UPB1: variants seen among roughly 807,000 people sequenced by gnomAD.
UPB1 encodes beta-ureidopropionase.
UPB1 carries 40 observed loss-of-function variants against 49.1 expected under a neutral mutation model. The ratio of observed to expected loss-of-function variants is 0.81; its 90% CI spans 0.63 to 1.06. The LOEUF is 1.06. Among genes scored for constraint, UPB1 ranks in the 50% least tolerant of loss-of-function variants. The pLI, the probability that UPB1 is intolerant of heterozygous loss-of-function variation, is 0.00. For synonymous variants in UPB1, 207 were observed against 198.2 expected (o/e 1.04, Z -0.38); for missense variants, 499 against 505.9 (o/e 0.99, Z 0.13).
chr22:24,505,672 G>A (rs1256224118), intron 3 of UPB1, among the ~76,000 whole-genome samples: 2 of 152,102 alleles, frequency 1.3e-5, no homozygotes, highest in African/African-American at 4.8e-5. Flanking sequence ...CTCTTGGTGT[G>A]GAGAAAGGAC....
intron 2 of UPB1, among the ~76,000 whole-genome samples, chr22:24,500,764 C>G (rs954826070): frequency 2.6e-5 from 4 of 152,246 alleles, no homozygotes; most frequent in African/African-American, 9.6e-5. Context: ...CTTATGACCT[C>G]AGAGTTAGTA....
At chr22:24,502,407 A>G (rs1195439762) in intron 3 of UPB1, 194 bp downstream of exon 3, 3 of 789,354 alleles carry the variant, frequency 3.8e-6, no homozygotes, top group South Asian at 1.3e-5. Flanking sequence ...TGATTCCTTC[A>G]GTTTTCCCAC....
Position 24,515,216 on chromosome 22 carries a change from G to C in UPB1, c.637G>C (p.Glu213Gln). 1 of 1,614,148 alleles carries C rather than the reference G, an allele frequency of 6.2e-7. No homozygotes were observed. The highest frequency in any genetic ancestry group is 1.1e-5 in the South Asian group (1 of 91,076). ...GDFNESTYYMEGNLGHPVFQT... is the reference protein window; with the variant it reads ...GDFNESTYYMQGNLGHPVFQT... The stretch of plus-strand genomic sequence containing the variant: ...TGCTTTTCAGTCAACTTACTACATG[G>C]AGGGAAACCTGGGCCACCCCGTGTT... Residue 213 changes from glutamate to glutamine, a missense_variant, in exon 6 of 10, where the codon GAG becomes CAG. By Grantham distance (29) the Glu-to-Gln change is conservative (BLOSUM62 2). Transcript: ENST00000326010.
At position 24,526,222 on chromosome 22, in the gene UPB1, T is replaced by A; in HGVS notation, c.*428T>A. ...TACAGCAAGGCTGTGGTGGGTCGGA[T>A]GGTCTTTGGATGTGTCAGCTTAGCT... is the stretch of plus-strand genomic sequence containing the variant. On this transcript the variant is annotated 3_prime_UTR_variant, in exon 10 of 10. Coordinates refer to ENST00000326010, the MANE Select transcript of UPB1 (RefSeq NM_016327.3). 6.7e-6 allele frequency: 2 copies of A among 299,866 alleles called. No homozygotes were observed. Among genetic ancestry groups the A allele is most frequent in the South Asian group, 6.1e-5 (2 of 32,908 alleles). 18.6% of individuals were successfully genotyped at this position (299,866 alleles called of 1,614,324 possible).
At chr22:24,514,701 C>T (rs1002103679) in intron 5 of UPB1, among the ~76,000 whole-genome samples, 2 of 152,204 alleles carry the variant, frequency 1.3e-5, no homozygotes, top group African/African-American at 4.8e-5. Flanking sequence ...GGTGTGGGTT[C>T]CACTAGAAGC....
chr22:24,504,484 T>G (rs970767228), intron 3 of UPB1, among the ~76,000 whole-genome samples: 1 of 152,240 alleles, frequency 6.6e-6, no homozygotes, highest in African/African-American at 2.4e-5. Context: ...TAGGAGTTTC[T>G]CTTTTTCACC....
chr22:24,517,548 C>T (rs938782719), intron 6 of UPB1, among the ~76,000 whole-genome samples: 1 of 152,214 alleles, frequency 6.6e-6, no homozygotes, highest in African/African-American at 2.4e-5. Flanking sequence ...CAGATGGCTC[C>T]TCGCCTTGTG....
chr22:24,501,429 G>A (rs2147002677), intron 2 of UPB1, among the ~76,000 whole-genome samples: 1 of 152,350 alleles, frequency 6.6e-6, no homozygotes, highest in South Asian at 2.1e-4. Context: ...AGCCTGTGGG[G>A]TCCTGGGAGT....
At chr22:24,520,896 GTTTT>G (rs2044378824) in intron 7 of UPB1, among the ~76,000 whole-genome samples, 1 of 152,166 alleles carries the variant, frequency 6.6e-6, no homozygotes, top group Non-Finnish European at 1.5e-5. Context: ...GAAACCTGAT[GTTTT>G]GGCTGGGTTT....
chr22:24,523,849 G>C, intron 9 of UPB1, 76 bp downstream of exon 9: 1 of 1,606,412 alleles, frequency 6.2e-7, no homozygotes, highest in Non-Finnish European at 8.5e-7. Flanking sequence ...CTGCTGTTGC[G>C]GGGTTGCCCA....
intron 4 of UPB1, among the ~76,000 whole-genome samples, chr22:24,511,233 C>T (rs1237837287): frequency 6.6e-6 from 1 of 152,182 alleles, no homozygotes; most frequent in Non-Finnish European, 1.5e-5. Flanking sequence ...GATGCATGGC[C>T]TGTGTCTCAT....
chr22:24,503,695 A>T (rs1008068715), intron 3 of UPB1: 1 of 152,234 alleles, frequency 6.6e-6, no homozygotes, highest in African/African-American at 2.4e-5. Flanking sequence ...CATTAACTTA[A>T]GGTGACCACA....
At chr22:24,495,914 G>A (rs1255611247) in intron 1 of UPB1, among the ~76,000 whole-genome samples, 2 of 152,104 alleles carry the variant, frequency 1.3e-5, no homozygotes, top group African/African-American at 4.8e-5. Context: ...GCGGTGACCC[G>A]ACCTCTGGCT....
At chr22:24,497,024 T>C (rs2043903656) in intron 1 of UPB1, among the ~76,000 whole-genome samples, 1 of 152,176 alleles carries the variant, frequency 6.6e-6, no homozygotes, top group Admixed American at 6.5e-5. Flanking sequence ...ACTGTCCCTC[T>C]TTCTCTTTCT....
At chr22:24,510,959 G>C (rs1340565028) in intron 4 of UPB1, 116 bp downstream of exon 4, 6 of 1,058,204 alleles carry the variant, frequency 5.7e-6, no homozygotes, top group Admixed American at 1.9e-5. Context: ...TTTGGTGCTT[G>C]TTTTGCCAGA....
intron 1 of UPB1, among the ~76,000 whole-genome samples, chr22:24,499,603 T>G (rs2043954046): frequency 6.6e-6 from 1 of 152,124 alleles, no homozygotes. Context: ...GCCAGGGTCT[T>G]TATTCACCAT....
chr22:24,520,105 G>A (rs1489708523), intron 6 of UPB1: 5 of 512,748 alleles, frequency 9.8e-6, no homozygotes, highest in Non-Finnish European at 1.8e-5. Context: ...TCTTCTGACA[G>A]AGCACAGCCA....
At chr22:24,512,884 C>G (rs565152050) in intron 4 of UPB1, among the ~76,000 whole-genome samples, 1 of 152,374 alleles carries the variant, frequency 6.6e-6, no homozygotes, top group Admixed American at 6.5e-5. Context: ...CTGAATGATA[C>G]TCCATTGTAT....
intron 7 of UPB1, among the ~76,000 whole-genome samples, chr22:24,520,785 C>T (rs530524056): frequency 1.4e-4 from 22 of 152,332 alleles, no homozygotes; most frequent in African/African-American, 5.3e-4. Flanking sequence ...ATCTCTTCCT[C>T]ATCCTTATTA....
Sources: allele counts gnomAD v4.1 joint callset (sites outside exome capture counted in the v4.1 genomes callset), GRCh38; gene constraint gnomAD v4.1.1; transcripts MANE v1.5; gene names NCBI Gene and HGNC (gene_info 2026-07-23, HGNC 2026-07-21).